COMMD10: variants seen among roughly 807,000 people sequenced by gnomAD.
COMMD10 encodes the protein COMM domain containing 10.
A neutral mutation model predicts 28.9 loss-of-function variants in COMMD10; 33 were observed. That is an observed-to-expected ratio of 1.14 (90% CI 0.87 to 1.53). The LOEUF is 1.53. Among genes scored for constraint, COMMD10 ranks in the 40% most tolerant of loss-of-function variants. The pLI is 0.00. For missense variants in COMMD10, 310 were observed against 233.4 expected (o/e 1.33, Z -2.14); for synonymous variants, 110 against 81.7 (o/e 1.35, Z -1.87).
At chr5:116,264,875 G>A (rs1750545388) in intron 5 of COMMD10, among the ~76,000 whole-genome samples, 1 of 151,732 alleles carries the variant, frequency 6.6e-6, no homozygotes. Flanking sequence ...TAAATGACAT[G>A]CAGTCATATA....
intron 1 of COMMD10, among the ~76,000 whole-genome samples, chr5:116,086,074 TG>T (rs1413735151): frequency 1.3e-5 from 2 of 152,208 alleles, no homozygotes; most frequent in African/African-American, 4.8e-5. Flanking sequence ...ACAGAATTTT[TG>T]GGAATTTAAA....
chr5:116,182,467 CAGTT>C (rs1160055731), intron 5 of COMMD10, among the ~76,000 whole-genome samples: 1 of 151,734 alleles, frequency 6.6e-6, no homozygotes, highest in Non-Finnish European at 1.5e-5. Context: ...AAAAAAAAGT[CAGTT>C]GAGGTGATTA....
At chr5:116,268,804 G>A (rs950885209) in intron 5 of COMMD10, among the ~76,000 whole-genome samples, 2 of 151,728 alleles carry the variant, frequency 1.3e-5, no homozygotes, top group Middle Eastern at 3.2e-3. Context: ...GTACGGACAT[G>A]GATGAAGCTG....
intron 5 of COMMD10, among the ~76,000 whole-genome samples, chr5:116,161,039 C>A (rs547505235): frequency 6.6e-6 from 1 of 152,164 alleles, no homozygotes; most frequent in Non-Finnish European, 1.5e-5. Flanking sequence ...AAAAATATCT[C>A]ATTTCTTGGG....
intron 4 of COMMD10, among the ~76,000 whole-genome samples, chr5:116,097,906 G>C (rs10072417): frequency 0.74 from 112,081 of 151,952 alleles, 41,757 homozygotes; most frequent in Non-Finnish European, 0.8. Context: ...TGGTGCTAAA[G>C]CATTCATGAG....
chr5:116,221,827 C>T (rs760996886), intron 5 of COMMD10, among the ~76,000 whole-genome samples: 14 of 151,964 alleles, frequency 9.2e-5, no homozygotes, highest in Non-Finnish European at 1.6e-4. Context: ...TTTTTGGAGT[C>T]CTTTGCTTAT....
chr5:116,155,729 T>A lies in COMMD10; in HGVS notation c.510+21551T>A, dbSNP rs60701590. 7.1e-3 allele frequency among the ~76,000 whole-genome samples: 1,079 copies of A among 152,212 alleles called. 13 individuals carry two copies. The highest frequency in any genetic ancestry group is 0.025 in the African/African-American group (1,027 of 41,570). On this transcript the variant is annotated intron_variant, in intron 5 of 6. Transcript: ENST00000274458. Reference sequence around the variant, plus strand: ...ATTCTATTGCTTTCAGCCAAATTATTTTAATTAGATTTAGATTCAGGAATG... The same window carrying A: ...ATTCTATTGCTTTCAGCCAAATTATATTAATTAGATTTAGATTCAGGAATG...
chr5:116,118,834 C>T (rs931194713), intron 4 of COMMD10, among the ~76,000 whole-genome samples: 9 of 152,120 alleles, frequency 5.9e-5, no homozygotes, highest in Admixed American at 5.9e-4. Context: ...CTTAATCAGT[C>T]TTATTTGAAA....
chr5:116,140,607 A>G (rs1359548286), intron 5 of COMMD10, among the ~76,000 whole-genome samples: 1 of 151,730 alleles, frequency 6.6e-6, no homozygotes, highest in African/African-American at 2.4e-5. Context: ...CTTTTTGATA[A>G]TAGTCATTCT....
intron 4 of COMMD10, among the ~76,000 whole-genome samples, chr5:116,120,066 G>C (rs753896785): frequency 6.6e-6 from 1 of 151,958 alleles, no homozygotes; most frequent in Admixed American, 6.6e-5. Context: ...TGTTTATAGC[G>C]GCACAATTTG....
intron 5 of COMMD10, among the ~76,000 whole-genome samples, chr5:116,241,532 C>G (rs1325624397): frequency 6.6e-6 from 1 of 151,920 alleles, no homozygotes; most frequent in Non-Finnish European, 1.5e-5. Flanking sequence ...AAAATACAAG[C>G]TGTCTAGTTC....
intron 5 of COMMD10, among the ~76,000 whole-genome samples, chr5:116,197,157 A>C (rs987622595): frequency 6.6e-6 from 1 of 152,122 alleles, no homozygotes; most frequent in African/African-American, 2.4e-5. Context: ...TGCATAGCCT[A>C]CATTACAATC....
At chr5:116,147,819 C>G (rs1001393979) in intron 5 of COMMD10, among the ~76,000 whole-genome samples, 2 of 151,844 alleles carry the variant, frequency 1.3e-5, no homozygotes, top group Non-Finnish European at 2.9e-5. Context: ...ATAAAATTCA[C>G]CTAGAATCCT....
chr5:116,111,016 T>A (rs73271225), intron 4 of COMMD10, among the ~76,000 whole-genome samples: 68 of 152,362 alleles, frequency 4.5e-4, no homozygotes, highest in African/African-American at 1.6e-3. Flanking sequence ...TCAGGTTATA[T>A]GTTTCCAGAA....
At chr5:116,208,163 A>C (rs576769422) in intron 5 of COMMD10, among the ~76,000 whole-genome samples, 1 of 152,246 alleles carries the variant, frequency 6.6e-6, no homozygotes, top group East Asian at 1.9e-4. Flanking sequence ...TAAACAATGC[A>C]TGTAAAACAT....
At chr5:116,146,751 G>A (rs1467868853) in intron 5 of COMMD10, among the ~76,000 whole-genome samples, 1 of 151,864 alleles carries the variant, frequency 6.6e-6, no homozygotes, top group Non-Finnish European at 1.5e-5. Context: ...TTTAGAGGAA[G>A]TTAAACTTAT....
At chr5:116,270,043 C>A (rs1179124214) in intron 5 of COMMD10, among the ~76,000 whole-genome samples, 1 of 6,308 alleles carries the variant, frequency 1.6e-4, no homozygotes, top group Admixed American at 5.0e-3. Context: ...AAATGGACAG[C>A]ATTTAAAAAA....
chr5:116,229,960 G>GC lies in COMMD10; in HGVS notation c.511-61550dup, dbSNP rs576020042. On this transcript the variant is annotated intron_variant, in intron 5 of 6. Coordinates refer to ENST00000274458, the MANE Select transcript of COMMD10 (RefSeq NM_016144.4). Reference sequence around the variant, plus strand: ...TAGATATATGATTATTCATACCTGAGCCCCCCCAAAAAAAAATCAAGACTA... The same window carrying GC: ...TAGATATATGATTATTCATACCTGAGCCCCCCCCAAAAAAAAATCAAGACTA... 7.6e-3 allele frequency among the ~76,000 whole-genome samples: 1,137 copies of GC among 149,708 alleles called. 7 individuals carry two copies. Among genetic ancestry groups the GC allele is most frequent in the Non-Finnish European group, 0.011 (720 of 67,314 alleles).
At chr5:116,220,794 G>A (rs1255180495) in intron 5 of COMMD10, among the ~76,000 whole-genome samples, 1 of 152,250 alleles carries the variant, frequency 6.6e-6, no homozygotes, top group East Asian at 1.9e-4. Context: ...GGAATCTGTA[G>A]AGTGGGTTTA....
Sources: gnomAD v4.1 joint callset for allele counts (sites outside exome capture counted in the v4.1 genomes callset) on GRCh38, gnomAD v4.1.1 for gene constraint, MANE v1.5 for transcripts, NCBI Gene and HGNC (gene_info 2026-07-23, HGNC 2026-07-21) for gene names.